The following CDC73 variants were observed in gnomAD, a reference collection of about 807,000 sequenced individuals.
The protein encoded by CDC73 is parafibromin.
Under a neutral mutation model 83.7 loss-of-function variants are expected in CDC73, and 21 were observed. That is an observed-to-expected ratio of 0.25 (90% CI 0.18 to 0.36). The LOEUF is 0.36. Among genes scored for constraint, CDC73 ranks in the 10% least tolerant of loss-of-function variants. The pLI is 1.00. For missense variants in CDC73, 342 were observed against 653.3 expected (o/e 0.52, Z 5.19); for synonymous variants, 224 against 212.9 (o/e 1.05, Z -0.45).
At chr1:193,216,955 G>C (rs1052283921) in intron 13 of CDC73, among the ~76,000 whole-genome samples, 1 of 152,066 alleles carries the variant, frequency 6.6e-6, no homozygotes, top group Non-Finnish European at 1.5e-5. Flanking sequence ...AATGAGAGCC[G>C]TCTATGACAG....
intron 10 of CDC73, among the ~76,000 whole-genome samples, chr1:193,178,224 A>G (rs561624540): frequency 4.6e-5 from 7 of 152,264 alleles, no homozygotes; most frequent in Admixed American, 1.3e-4. Context: ...TGTTTGATCC[A>G]GTCGCCTTTG....
chr1:193,203,698 C>T (rs988158282), intron 10 of CDC73, 97 bp from the exon 11 acceptor site: 5 of 996,646 alleles, frequency 5.0e-6, no homozygotes, highest in African/African-American at 4.8e-5. Flanking sequence ...AAAAACAGAA[C>T]AAGAGACAGA....
rs755543878 is a variant in CDC73, at chr1:193,203,784, T to C, written c.973-11T>C. 18 of 1,605,154 alleles carry C rather than the reference T, an allele frequency of 1.1e-5. No homozygotes were observed. Among genetic ancestry groups the C allele is most frequent in the African/African-American group, 2.7e-5 (2 of 74,750 alleles). Reference sequence around the variant, plus strand: ...CTTTGATCTTATATATCAATTCTTATTCTTTTAAAGGAGGGTGCATCTGCC... The same window carrying C: ...CTTTGATCTTATATATCAATTCTTACTCTTTTAAAGGAGGGTGCATCTGCC... On this transcript the variant is annotated splice_polypyrimidine_tract_variant and intron_variant, in intron 10 of 16. Coordinates refer to ENST00000367435, the MANE Select transcript of CDC73 (RefSeq NM_024529.5).
Position 193,253,155 on chromosome 1 carries a change from T to A in CDC73, c.*2443T>A, listed in dbSNP as rs1291518253. ...TAAGAAATATGTAGGTTTCAATCAGTTGCTCTCAACCCTGACTGCATTTTA... is the reference window on the plus strand; with the variant it reads ...TAAGAAATATGTAGGTTTCAATCAGATGCTCTCAACCCTGACTGCATTTTA... On this transcript the variant is annotated 3_prime_UTR_variant, in exon 17 of 17. Coordinates refer to ENST00000367435, the MANE Select transcript of CDC73 (RefSeq NM_024529.5). 1.7e-5 allele frequency: 4 copies of A among 232,316 alleles called. No homozygotes were observed. 14.4% of individuals were successfully genotyped at this position (232,316 alleles called of 1,614,324 possible).
In CDC73 at chr1:193,211,255, G is replaced by C. The variant is rs1398392993; in HGVS notation, c.1031-810G>C. Among the ~76,000 whole-genome samples the C allele has an allele frequency of 3.3e-5, 5 of 152,142 alleles. No individual in the cohort carries two copies. In the East Asian group the frequency reaches 9.6e-4, roughly 29 times the overall value. ...CTCTTATGTCTCCCATAAATTTAATGCCTTTTCCATCTTAACACTATCACT... is the reference window on the plus strand; with the variant it reads ...CTCTTATGTCTCCCATAAATTTAATCCCTTTTCCATCTTAACACTATCACT... On this transcript the variant is annotated intron_variant, in intron 11 of 16. Coordinates refer to ENST00000367435, the MANE Select transcript of CDC73 (RefSeq NM_024529.5).
Position 193,249,763 on chromosome 1 carries a change from G to T in CDC73, c.1451G>T (p.Arg484Leu), listed in dbSNP as rs774557338. The change falls in exon 16 of 17, where the codon CGT becomes CTT. Residue 484 changes from arginine to leucine, a missense_variant. This residue lies in a region of CDC73 where 239 missense variants were observed against 420.6 expected (regional missense o/e 0.57). Transcript: ENST00000367435. Reference protein sequence around the residue: ...KAFHLKYDEVRLDPNVQKWDV... With the variant: ...KAFHLKYDEVLLDPNVQKWDV... Reference sequence around the variant, plus strand: ...TTCCATCTGAAGTATGATGAAGTTCGTCTGGATCCAAATGTTCAGAAATGG... The same window carrying T: ...TTCCATCTGAAGTATGATGAAGTTCTTCTGGATCCAAATGTTCAGAAATGG... The T allele has an allele frequency of 6.2e-7, 1 of 1,609,658 alleles. No homozygotes were observed. The highest frequency in any genetic ancestry group is 8.5e-7 in the Non-Finnish European group (1 of 1,176,444).
At position 193,122,293 on chromosome 1, in the gene CDC73, C is replaced by T. The variant is rs550111539; in HGVS notation, c.93C>T (p.Ser31=). The change falls in exon 1 of 17, where the codon TCC becomes TCT. Residue 31 remains serine, a synonymous_variant. Transcript: ENST00000367435. ...KGDEVIFGEF[S]WPKNVKTNYV... ...ACGAAGTGATCTTCGGGGAGTTCTC[C>T]TGGCCCAAGAATGTGAAGACCAACT... The T allele has an allele frequency of 7.4e-6, 12 of 1,614,164 alleles. No homozygotes were observed. In the South Asian group the frequency reaches 8.8e-5, roughly 12 times the overall value.
intron 10 of CDC73, among the ~76,000 whole-genome samples, chr1:193,183,339 T>C (rs1676751092): frequency 1.0e-5 from 1 of 95,784 alleles, no homozygotes; most frequent in African/African-American, 3.4e-5. Flanking sequence ...AGTTATAATA[T>C]TTCTAAAATG....
At chr1:193,169,796 TTTC>T (rs1676490026) in intron 10 of CDC73, among the ~76,000 whole-genome samples, 1 of 152,132 alleles carries the variant, frequency 6.6e-6, no homozygotes, top group Admixed American at 6.5e-5. Context: ...TGTAATTTTA[TTTC>T]TTTTTTTTTT....
At chr1:193,213,177 A>G (rs975698093) in intron 13 of CDC73, among the ~76,000 whole-genome samples, 4 of 152,192 alleles carry the variant, frequency 2.6e-5, no homozygotes, top group Non-Finnish European at 4.4e-5. Flanking sequence ...TATTGTGACT[A>G]TTTTTAAATC....
chr1:193,173,096 A>G lies in CDC73; in HGVS notation c.972+20652A>G, dbSNP rs75909284. Among the ~76,000 whole-genome samples, 159 of 152,318 alleles carry G rather than the reference A, an allele frequency of 1.0e-3. 1 individual carries two copies. The East Asian group carries it at 0.024, about 23-fold the overall frequency. On this transcript the variant is annotated intron_variant, in intron 10 of 16. Coordinates refer to ENST00000367435, the MANE Select transcript of CDC73 (RefSeq NM_024529.5). Reference sequence around the variant, plus strand: ...GTCAGGCAACCTGGCCTAGGGCAACATAAGCCTAGAGAAAGGAGTCTTGTT... The same window carrying G: ...GTCAGGCAACCTGGCCTAGGGCAACGTAAGCCTAGAGAAAGGAGTCTTGTT...
At chr1:193,158,146 A>G (rs1480337397) in intron 10 of CDC73, among the ~76,000 whole-genome samples, 4 of 151,830 alleles carry the variant, frequency 2.6e-5, no homozygotes, top group African/African-American at 7.2e-5. Context: ...TCAAAGTTAT[A>G]AAGACTAGTT....
At chr1:193,142,708 A>C (rs1487872109) in intron 7 of CDC73, among the ~76,000 whole-genome samples, 1 of 151,056 alleles carries the variant, frequency 6.6e-6, no homozygotes, top group African/African-American at 2.4e-5. Context: ...TGAATAATGC[A>C]TTAGAAAACA....
intron 10 of CDC73, chr1:193,161,258 C>T (rs1171468581): frequency 5.7e-5 from 10 of 175,794 alleles, no homozygotes; most frequent in Non-Finnish European, 1.1e-4. Context: ...CTGGACTGGA[C>T]AAATCTTGCT....
intron 9 of CDC73, among the ~76,000 whole-genome samples, chr1:193,151,028 G>A (rs1230684841): frequency 4.6e-5 from 7 of 152,168 alleles, no homozygotes; most frequent in Non-Finnish European, 1.0e-4. Flanking sequence ...CAAATTTTGA[G>A]CAATGATGGG....
chr1:193,229,308 C>CCCAGTA (rs1677616661), intron 13 of CDC73, among the ~76,000 whole-genome samples: 1 of 152,224 alleles, frequency 6.6e-6, no homozygotes, highest in Admixed American at 6.5e-5. Flanking sequence ...GACCTTGAAA[C>CCCAGTA]TACCCTGCTG....
chr1:193,168,713 G>A (rs1676472755), intron 10 of CDC73, among the ~76,000 whole-genome samples: 1 of 151,760 alleles, frequency 6.6e-6, no homozygotes, highest in Admixed American at 6.6e-5. Context: ...TAGTAGAGAC[G>A]GGGTTTCACC....
chr1:193,235,746 T>TA (rs1388255943), intron 14 of CDC73, among the ~76,000 whole-genome samples: 3 of 152,222 alleles, frequency 2.0e-5, no homozygotes, highest in Admixed American at 2.0e-4. Context: ...ATACTCAGAT[T>TA]ACTTCCTAAG....
chr1:193,180,647 C>T, intron 10 of CDC73: 1 of 1,614,114 alleles, frequency 6.2e-7, no homozygotes, highest in Non-Finnish European at 8.5e-7. Flanking sequence ...GGATAACGCT[C>T]ACTTGGGTAG....
Sources: gnomAD v4.1 joint callset for allele counts (sites outside exome capture counted in the v4.1 genomes callset) on GRCh38, gnomAD v4.1.1 for gene constraint, gnomAD v4.1.1 regional missense constraint, MANE v1.5 for transcripts, NCBI Gene and HGNC (gene_info 2026-07-23, HGNC 2026-07-21) for gene names.